The following MCF2L2 variants were observed in gnomAD, a reference collection of about 807,000 sequenced individuals.
MCF2L2 encodes probable guanine nucleotide exchange factor MCF2L2.
Under a neutral mutation model 150.2 loss-of-function variants are expected in MCF2L2, and 102 were observed. That is an observed-to-expected ratio of 0.68 (90% confidence interval 0.58 to 0.80). MCF2L2 has a LOEUF of 0.80. MCF2L2 is among the 30% of genes least tolerant of loss of function. MCF2L2 has a pLI of 0.00. For missense variants in MCF2L2, 1,256 were observed against 1,372.8 expected (o/e 0.91, Z 1.34); for synonymous variants, 465 against 491.3 (o/e 0.95, Z 0.71).
intron 3 of MCF2L2, among the ~76,000 whole-genome samples, chr3:183,366,645 C>T (rs929799779): frequency 7.1e-6 from 1 of 140,244 alleles, no homozygotes; most frequent in African/African-American, 2.6e-5. Flanking sequence ...GACTCCGTCT[C>T]AAAAAAAAAA....
chr3:183,387,931 C>CAAAAAAAA (rs61024469), intron 2 of MCF2L2, among the ~76,000 whole-genome samples: 2 of 72,400 alleles, frequency 2.8e-5, no homozygotes, highest in Admixed American at 3.3e-4. Flanking sequence ...GACTCCATCT[C>CAAAAAAAA]AAAAAAAAAA....
intron 15 of MCF2L2, among the ~76,000 whole-genome samples, chr3:183,258,919 TATA>T (rs1012895279): frequency 2.0e-5 from 3 of 152,212 alleles, no homozygotes; most frequent in Non-Finnish European, 2.9e-5. Context: ...CTAGATTACT[TATA>T]ATAACTAATG....
At chr3:183,310,197 CAAAAATATTT>C (rs375391708) in intron 9 of MCF2L2, among the ~76,000 whole-genome samples, 12 of 151,062 alleles carry the variant, frequency 7.9e-5, no homozygotes, top group African/African-American at 2.2e-4. Flanking sequence ...CTCGTCTCTG[CAAAAATATTT>C]AAAAATTATC....
intron 27 of MCF2L2, among the ~76,000 whole-genome samples, chr3:183,184,923 C>CTTT (rs72262541): frequency 3.4e-5 from 5 of 145,550 alleles, no homozygotes; most frequent in Admixed American, 6.8e-5. Flanking sequence ...TTTTCTTTTT[C>CTTT]TTTTTTTTTT....
intron 25 of MCF2L2, 138 bp downstream of exon 25, chr3:183,205,738 T>C (rs1333669447): frequency 1.5e-6 from 1 of 649,660 alleles, no homozygotes; most frequent in Non-Finnish European, 2.8e-6. Context: ...GCATAGGTGC[T>C]TCCAGGGACT....
intron 14 of MCF2L2, among the ~76,000 whole-genome samples, chr3:183,277,503 C>T (rs1282592287): frequency 6.6e-6 from 1 of 151,426 alleles, no homozygotes; most frequent in African/African-American, 2.4e-5. Context: ...AAAAGTTGCA[C>T]TCGCCCTGAG....
At chr3:183,394,557 T>C (rs1421289443) in intron 1 of MCF2L2, among the ~76,000 whole-genome samples, 1 of 152,214 alleles carries the variant, frequency 6.6e-6, no homozygotes, top group Non-Finnish European at 1.5e-5. Flanking sequence ...AGGTCAGAAA[T>C]AACACAAACA....
intron 3 of MCF2L2, chr3:183,379,019 G>A (rs1713360133): frequency 8.2e-6 from 3 of 365,582 alleles, no homozygotes; most frequent in Admixed American, 9.8e-5. Flanking sequence ...AAGGAACAAA[G>A]GCAACACAGC....
intron 15 of MCF2L2, among the ~76,000 whole-genome samples, chr3:183,264,056 T>C (rs937169686): frequency 7.9e-5 from 12 of 152,040 alleles, no homozygotes; most frequent in African/African-American, 2.9e-4. Flanking sequence ...TTAATCCCTC[T>C]TGCTCAAACT....
chr3:183,278,328 G>T (rs1232313260), intron 14 of MCF2L2, among the ~76,000 whole-genome samples: 2 of 151,168 alleles, frequency 1.3e-5, no homozygotes, highest in African/African-American at 4.9e-5. Flanking sequence ...CTTCTTGTGA[G>T]TTGTGGTCAG....
chr3:183,185,532 G>A (rs944804798), intron 27 of MCF2L2, among the ~76,000 whole-genome samples: 1 of 152,258 alleles, frequency 6.6e-6, no homozygotes, highest in African/African-American at 2.4e-5. Context: ...CAAAGAGATG[G>A]AGCTGCACTT....
intron 1 of MCF2L2, among the ~76,000 whole-genome samples, chr3:183,412,132 A>G (rs892257748): frequency 1.1e-4 from 17 of 152,348 alleles, no homozygotes; most frequent in African/African-American, 3.6e-4. Context: ...TCTTAAATGC[A>G]TACAAGCAAA....
Position 183,318,100 on chromosome 3 carries a change from T to G in MCF2L2, c.721A>C (p.Met241Leu), listed in dbSNP as rs1325956505. Residue 241 changes from methionine (M) to leucine (L), a missense_variant, in exon 7 of 30, where the codon ATG becomes CTG. Transcript: ENST00000328913. ...TTGTCCCGCTGCCTTGTGTGGGACA[T>G]GAGAAGGTCTTCCGTGGATAGCATG... ...RSMLSTEDLL[M>L]SHTRQRDKLQ... 3 of 1,614,112 alleles carry G rather than the reference T, an allele frequency of 1.9e-6. No individual in the cohort carries two copies. The highest frequency in any genetic ancestry group is 2.5e-6 in the Non-Finnish European group (3 of 1,179,998).
At chr3:183,316,332 T>TTTTTGTTTTG (rs138800644) in intron 7 of MCF2L2, among the ~76,000 whole-genome samples, 59 of 150,864 alleles carry the variant, frequency 3.9e-4, no homozygotes, top group African/African-American at 1.1e-3. Context: ...TTTTGGTGTT[T>TTTTTGTTTTG]TTTTGTTTTG....
intron 1 of MCF2L2, among the ~76,000 whole-genome samples, chr3:183,404,223 CAT>C (rs1421167720): frequency 6.6e-6 from 1 of 152,146 alleles, no homozygotes; most frequent in Admixed American, 6.5e-5. Context: ...AGAGTTCACT[CAT>C]AATTTTTTAA....
At chr3:183,423,632 GTTTT>G (rs34400256) in intron 1 of MCF2L2, among the ~76,000 whole-genome samples, 1,548 of 91,832 alleles carry the variant, frequency 0.017, 10 homozygotes, top group African/African-American at 0.059. Context: ...AATTTTATTT[GTTTT>G]TTTTTTTTTT....
At chr3:183,346,247 G>A (rs529868027) in intron 3 of MCF2L2, among the ~76,000 whole-genome samples, 30 of 152,246 alleles carry the variant, frequency 2.0e-4, no homozygotes, top group African/African-American at 7.2e-4. Context: ...TCATCCCTGG[G>A]ATGCACTCAA....
rs751070341 is a variant in MCF2L2, at chr3:183,300,175, G to C, written c.1135C>G (p.Leu379Val). 25 of 1,604,242 alleles carry C rather than the reference G, an allele frequency of 1.6e-5. No individual in the cohort carries two copies. Among genetic ancestry groups the C allele is most frequent in the Non-Finnish European group, 2.0e-5 (24 of 1,177,562 alleles). Reference protein sequence around the residue: ...KSQEPLEKAQLLALVGDQLIQ... With the variant: ...KSQEPLEKAQVLALVGDQLIQ... Reference sequence around the variant, plus strand: ...AGCTGGTCCCCAACCAGTGCCAGCAGCTGGGCCTTTTCCAGGGGCTCCTGC... The same window carrying C: ...AGCTGGTCCCCAACCAGTGCCAGCACCTGGGCCTTTTCCAGGGGCTCCTGC... Residue 379 changes from leucine to valine, a missense_variant, in exon 11 of 30, where the codon CTG becomes GTG. Coordinates refer to ENST00000328913, the MANE Select transcript of MCF2L2 (RefSeq NM_015078.4).
intron 27 of MCF2L2, among the ~76,000 whole-genome samples, chr3:183,185,982 T>C (rs1721679972): frequency 6.6e-6 from 1 of 152,084 alleles, no homozygotes; most frequent in African/African-American, 2.4e-5. Context: ...TGTCTTAGAC[T>C]TTCAGAGCTG....
Sources: gnomAD v4.1 joint callset for allele counts (sites outside exome capture counted in the v4.1 genomes callset) on GRCh38, gnomAD v4.1.1 for gene constraint, MANE v1.5 for transcripts, NCBI Gene and HGNC (gene_info 2026-07-23, HGNC 2026-07-21) for gene names.